ITGAV: variants seen among roughly 807,000 people sequenced by gnomAD.
The protein encoded by ITGAV is integrin alpha-V.
Under a neutral mutation model 143.8 loss-of-function variants are expected in ITGAV, and 76 were observed. The observed-to-expected ratio is 0.53, with a 90% CI of 0.44 to 0.64. The LOEUF (loss-of-function observed/expected upper bound fraction) is 0.64, where lower values mean the gene tolerates loss of function less well. ITGAV is among the 30% of genes least tolerant of loss of function. The pLI, the probability that ITGAV is intolerant of heterozygous loss-of-function variation, is 0.00. For missense variants in ITGAV, 1,193 were observed against 1,274.7 expected, an observed-to-expected ratio of 0.94 and a Z score of 0.98; for synonymous variants, 453 against 446.7, an observed-to-expected ratio of 1.01 and a Z score of -0.18.
At chr2:186,638,578 A>G (rs1259661025) in intron 10 of ITGAV, 113 bp downstream of exon 10, 4 of 754,912 alleles carry the variant, frequency 5.3e-6, no homozygotes, top group Non-Finnish European at 8.9e-6. Context: ...TCAAATAGAT[A>G]ATTCTTCCAA....
At chr2:186,674,734 A>C (rs1689161698) in intron 26 of ITGAV, among the ~76,000 whole-genome samples, 1 of 151,558 alleles carries the variant, frequency 6.6e-6, no homozygotes, top group South Asian at 2.1e-4. Context: ...CTGGTCTCGA[A>C]CTCCTGACCT....
chr2:186,590,262 G>T lies in ITGAV; in HGVS notation c.-77G>T. The T allele has an allele frequency of 8.0e-7, 1 of 1,256,412 alleles. No homozygotes were observed. The highest frequency in any genetic ancestry group is 1.0e-6 in the Non-Finnish European group (1 of 973,474). 77.8% of individuals were successfully genotyped at this position (1,256,412 alleles called of 1,614,324 possible). A position where few individuals can be genotyped will look rare whatever the true frequency, so the allele number is the denominator to read the frequency against. ...TTTGGGCGCGCGCAGGCGGCGGGCCGCGGGCACTGGGCGCCTCGCTGGGGC... is the reference window on the plus strand; with the variant it reads ...TTTGGGCGCGCGCAGGCGGCGGGCCTCGGGCACTGGGCGCCTCGCTGGGGC... On this transcript the variant is annotated 5_prime_UTR_variant, in exon 1 of 30. Coordinates refer to ENST00000261023, the MANE Select transcript of ITGAV (RefSeq NM_002210.5).
In ITGAV at chr2:186,656,056, TTTAA is replaced by T. The variant is rs964196064; in HGVS notation, c.1565-187_1565-184del. Among the ~76,000 whole-genome samples, 261 of 152,270 alleles carry T rather than the reference TTTAA, an allele frequency of 1.7e-3. 1 individual carries two copies. The highest frequency in any genetic ancestry group is 5.5e-3 in the African/African-American group (230 of 41,564). On this transcript the variant is annotated intron_variant, in intron 16 of 29. Coordinates refer to ENST00000261023, the MANE Select transcript of ITGAV (RefSeq NM_002210.5). Reference sequence around the variant, plus strand: ...ACTTTAGGGAAAGTTTGATTAATTATTTAATTATTATTAAATATTTTTTCAGAAT... The same window carrying T: ...ACTTTAGGGAAAGTTTGATTAATTATTTATTATTAAATATTTTTTCAGAAT...
intron 12 of ITGAV, among the ~76,000 whole-genome samples, chr2:186,642,086 C>T (rs1688119623): frequency 6.6e-6 from 1 of 152,198 alleles, no homozygotes; most frequent in South Asian, 2.1e-4. Flanking sequence ...TTATATCTCC[C>T]TTTATGGTGG....
rs61763617 is a variant in ITGAV at position 186,597,406 on chromosome 2, T to C, written c.186-4615T>C. ...TCTGCATTCTTGAGGGGTTCAGACG[T>C]AGTGGAAATGACTTATTTATATATG... On this transcript the variant is annotated intron_variant, in intron 1 of 29. Coordinates refer to ENST00000261023, the MANE Select transcript of ITGAV (RefSeq NM_002210.5). Among the ~76,000 whole-genome samples, 1,342 of 152,292 alleles carry C rather than the reference T, an allele frequency of 8.8e-3. 11 individuals carry two copies. The highest frequency in any genetic ancestry group is 0.012 in the Non-Finnish European group (841 of 68,016).
intron 1 of ITGAV, among the ~76,000 whole-genome samples, chr2:186,592,895 A>G (rs1039587003): frequency 1.1e-4 from 16 of 152,284 alleles, no homozygotes; most frequent in African/African-American, 2.9e-4. Context: ...CAAAACGTAT[A>G]TAAACACAGG....
chr2:186,666,902 C>A, intron 22 of ITGAV, 119 bp downstream of exon 22: 1 of 561,698 alleles, frequency 1.8e-6, no homozygotes, highest in Non-Finnish European at 3.0e-6. Context: ...TTGACTATAG[C>A]ATTTTAAAAT....
rs1433363100 is a variant in ITGAV at position 186,649,003 on chromosome 2, CACATTTGTGTGTATATATAT to C, written c.1352-833_1352-814del. On this transcript the variant is annotated intron_variant, in intron 13 of 29. Coordinates refer to ENST00000261023, the MANE Select transcript of ITGAV (RefSeq NM_002210.5). ...ATATACATTTGTGTGTATATATATACACATTTGTGTGTATATATATACACATTTGTGTGTATATATATACA... is the reference window on the plus strand; with the variant it reads ...ATATACATTTGTGTGTATATATATACACACATTTGTGTGTATATATATACA... 6.5e-3 allele frequency among the ~76,000 whole-genome samples: 40 copies of C among 6,126 alleles called. 1 individual carries two copies. Among genetic ancestry groups the C allele is most frequent in the African/African-American group, 0.01 (36 of 3,496 alleles). The allele number at this position is 6,126 out of a possible 152,430, so 4.0% of individuals were successfully genotyped here. A position where few individuals can be genotyped will look rare whatever the true frequency, so the allele number is the denominator to read the frequency against.
At position 186,633,336 on chromosome 2, in the gene ITGAV, G is replaced by C; in HGVS notation, c.593G>C (p.Arg198Thr). 6.3e-7 allele frequency: 1 copy of C among 1,584,706 alleles called. No homozygotes were observed. ...GFSIDFTKAD[R>T]VLLGGPGSFY... is the part of the protein sequence containing the mutation. ...TTGTGTGATTTCATCTAGGCTGACA[G>C]AGTACTTCTTGGTGGTCCTGGTAGC... is the stretch of plus-strand genomic sequence containing the variant. The change falls in exon 6 of 30, where the codon AGA (arginine) becomes ACA (threonine). Residue 198 changes from arginine to threonine, a missense_variant. By Grantham distance (71) the Arg-to-Thr change is moderately conservative. Transcript: ENST00000261023.
At chr2:186,638,229 C>G in intron 8 of ITGAV, 48 bp from the exon 9 acceptor site, 1 of 1,556,422 alleles carries the variant, frequency 6.4e-7, no homozygotes, top group Non-Finnish European at 8.9e-7. Flanking sequence ...TCTGCAACTT[C>G]CAGTGTTGTC....
chr2:186,600,608 T>C (rs1416259121), intron 1 of ITGAV, among the ~76,000 whole-genome samples: 1 of 152,130 alleles, frequency 6.6e-6, no homozygotes, highest in Non-Finnish European at 1.5e-5. Flanking sequence ...GTAATAGTAA[T>C]TTATTTATTG....
chr2:186,652,902 C>G lies in ITGAV; in HGVS notation c.1505+813C>G, dbSNP rs1429363133. On this transcript the variant is annotated intron_variant, in intron 15 of 29. Transcript: ENST00000261023. The stretch of plus-strand genomic sequence containing the variant: ...CATCTTTGTCATTTGTATGCTACTT[C>G]AGTAATTTTTGCTCTATTTTCATTA... Among the ~76,000 whole-genome samples the G allele has an allele frequency of 6.9e-5, 10 of 145,156 alleles. No individual in the cohort carries two copies. In the East Asian group the frequency reaches 2.0e-3, roughly 29 times the overall value.
intron 15 of ITGAV, among the ~76,000 whole-genome samples, chr2:186,654,117 G>C (rs529480770): frequency 6.6e-6 from 1 of 152,264 alleles, no homozygotes; most frequent in South Asian, 2.1e-4. Flanking sequence ...CGAATCACCA[G>C]AGGTCAGGAG....
Position 186,674,676 on chromosome 2 carries a change from TA to T in ITGAV, c.2707-926del, listed in dbSNP as rs374738597. Reference sequence around the variant, plus strand: ...ACAGGTGCCCACCATCACGCCTGGCTAATTTTTGTATTTTGAGTAGAGATGG... The same window carrying T: ...ACAGGTGCCCACCATCACGCCTGGCTATTTTTGTATTTTGAGTAGAGATGG... On this transcript the variant is annotated intron_variant, in intron 26 of 29. Transcript: ENST00000261023. Among the ~76,000 whole-genome samples, 457 of 152,126 alleles carry T rather than the reference TA, an allele frequency of 3.0e-3. 3 individuals are homozygous for T. Among genetic ancestry groups the T allele is most frequent in the African/African-American group, 0.01 (426 of 41,488 alleles).
chr2:186,638,355 C>CT (rs1688004769), intron 9 of ITGAV, 35 bp downstream of exon 9: 1 of 1,609,486 alleles, frequency 6.2e-7, no homozygotes, highest in Non-Finnish European at 8.5e-7. Context: ...TAAAAAATCT[C>CT]TAAGTTATCT....
At chr2:186,632,375 A>G (rs1333879300) in intron 5 of ITGAV, among the ~76,000 whole-genome samples, 1 of 151,978 alleles carries the variant, frequency 6.6e-6, no homozygotes, top group African/African-American at 2.4e-5. Flanking sequence ...TCTTAAACAC[A>G]TTTCTGAGAA....
chr2:186,652,243 C>G (rs1156783541), intron 15 of ITGAV, among the ~76,000 whole-genome samples, 154 bp downstream of exon 15: 1 of 152,208 alleles, frequency 6.6e-6, no homozygotes, highest in East Asian at 1.9e-4. Context: ...GAAGCAAGGT[C>G]TGCCTCTGTT....
intron 1 of ITGAV, among the ~76,000 whole-genome samples, chr2:186,599,038 C>A (rs926841229): frequency 1.3e-5 from 2 of 152,128 alleles, no homozygotes; most frequent in African/African-American, 4.8e-5. Flanking sequence ...TTTAAAAGTT[C>A]AAGTGAATGC....
chr2:186,668,869 T>C lies in ITGAV; in HGVS notation c.2541T>C (p.Asp847=), dbSNP rs1030285729. ...TLLYILHYDI[D]GPMNCTSDME... is the part of the protein sequence containing the mutation. ...TGTATATCCTTCATTATGATATTGA[T>C]GGACCAATGAACTGCACTTCAGATA... The change falls in exon 25 of 30, where the codon GAT becomes GAC. Residue 847 remains aspartate (D), a synonymous_variant. Transcript: ENST00000261023. The C allele has an allele frequency of 1.2e-6, 2 of 1,613,206 alleles. No homozygotes were observed. Among genetic ancestry groups the C allele is most frequent in the Non-Finnish European group, 1.7e-6 (2 of 1,179,358 alleles).
Sources: allele counts gnomAD v4.1 joint callset (sites outside exome capture counted in the v4.1 genomes callset), GRCh38; gene constraint gnomAD v4.1.1; transcripts MANE v1.5; gene names NCBI Gene and HGNC (gene_info 2026-07-23, HGNC 2026-07-21).